Variants in PIK3C2A observed in about 807,000 individuals in gnomAD.
PIK3C2A encodes phosphatidylinositol 4-phosphate 3-kinase C2 domain-containing subunit alpha.
A neutral mutation model predicts 204.5 loss-of-function variants in PIK3C2A; 97 were observed. The ratio of observed to expected loss-of-function variants is 0.47; its 90% CI spans 0.40 to 0.56. PIK3C2A has a LOEUF of 0.56. Among genes scored for constraint, PIK3C2A ranks in the 20% least tolerant of loss-of-function variants. The probability of loss-of-function intolerance (pLI) is 0.00; values close to 1 mark genes in which losing one functional copy is unlikely to be tolerated. For synonymous variants in PIK3C2A, 653 were observed against 664.4 expected (o/e 0.98, Z 0.26); for missense variants, 1,735 against 1,969.2 (o/e 0.88, Z 2.25).
intron 19 of PIK3C2A, among the ~76,000 whole-genome samples, chr11:17,116,835 C>T (rs976750661): frequency 3.3e-5 from 5 of 152,034 alleles, no homozygotes; most frequent in Admixed American, 6.6e-5. Context: ...GTGATCTGCC[C>T]GCCTGGGCCT....
intron 13 of PIK3C2A, among the ~76,000 whole-genome samples, chr11:17,126,740 T>C (rs764413176): frequency 3.3e-5 from 5 of 152,224 alleles, no homozygotes; most frequent in Non-Finnish European, 7.3e-5. Context: ...TCAAGCTTAA[T>C]ACAATCTATT....
At chr11:17,168,611 A>T in intron 2 of PIK3C2A, 66 bp downstream of exon 2, 1 of 1,148,460 alleles carries the variant, frequency 8.7e-7, no homozygotes, top group Non-Finnish European at 1.2e-6. Flanking sequence ...AAAAACACAA[A>T]TTATGTACAC....
rs966451331 is a variant in PIK3C2A at position 17,086,931 on chromosome 11, T to G, written c.*2807A>C. The G allele has an allele frequency of 2.6e-5, 4 of 152,142 alleles. No homozygotes were observed. Among genetic ancestry groups the G allele is most frequent in the African/African-American group, 9.7e-5 (4 of 41,442 alleles). The allele number at this position is 152,142 out of a possible 1,614,324, so 9.4% of individuals were successfully genotyped here. On this transcript the variant is annotated 3_prime_UTR_variant, in exon 33 of 33. Coordinates refer to ENST00000691414, the MANE Select transcript of PIK3C2A (RefSeq NM_002645.4). ...AAGATATTGAAACTTTTATACAACT[T>G]TAATTTGAAAAAAGAAATGATCAAA...
intron 1 of PIK3C2A, among the ~76,000 whole-genome samples, chr11:17,182,311 G>A (rs747783892): frequency 2.0e-5 from 3 of 151,978 alleles, no homozygotes; most frequent in South Asian, 2.1e-4. Flanking sequence ...TTGGCTGGGT[G>A]CAGTGACTCA....
At chr11:17,116,313 G>C (rs973745102) in intron 19 of PIK3C2A, among the ~76,000 whole-genome samples, 4 of 152,066 alleles carry the variant, frequency 2.6e-5, no homozygotes, top group African/African-American at 9.7e-5. Context: ...TTAGTCACTA[G>C]GGAAATTCAA....
chr11:17,194,100 A>C (rs1014812517), intron 1 of PIK3C2A: 2 of 565,230 alleles, frequency 3.5e-6, no homozygotes, highest in Admixed American at 6.7e-5. Context: ...AAGATCCCAA[A>C]GGGTGTCAGC....
At chr11:17,192,167 T>G (rs546106144) in intron 1 of PIK3C2A, among the ~76,000 whole-genome samples, 2 of 152,042 alleles carry the variant, frequency 1.3e-5, no homozygotes, top group South Asian at 4.2e-4. Context: ...AAATTAATAA[T>G]GCAGGTGTAA....
rs555157039 is a variant in PIK3C2A at position 17,139,627 on chromosome 11, T to C, written c.1705-3002A>G. 2.6e-5 allele frequency among the ~76,000 whole-genome samples: 4 copies of C among 152,366 alleles called. No homozygotes were observed. In the East Asian group the frequency reaches 7.7e-4, roughly 29 times the overall value. On this transcript the variant is annotated intron_variant, in intron 8 of 32. Transcript: ENST00000691414. Reference sequence around the variant, plus strand: ...GTCATTTCCCCAACGGCATGCCATATTTTTGCATTGGATATTTATCTAACT... The same window carrying C: ...GTCATTTCCCCAACGGCATGCCATACTTTTGCATTGGATATTTATCTAACT...
chr11:17,144,142 A>G (rs1850155699), intron 8 of PIK3C2A, among the ~76,000 whole-genome samples: 1 of 152,212 alleles, frequency 6.6e-6, no homozygotes, highest in Admixed American at 6.5e-5. Flanking sequence ...TTTGTACTCT[A>G]TCACAGAATT....
At chr11:17,112,472 T>TA (rs909822940) in intron 21 of PIK3C2A, 102 bp downstream of exon 21, 91 of 527,668 alleles carry the variant, frequency 1.7e-4, no homozygotes, top group Admixed American at 7.1e-4. Context: ...AAATAAATAA[T>TA]AAAAAAAATA....
chr11:17,177,867 T>C (rs1302928968), intron 1 of PIK3C2A, among the ~76,000 whole-genome samples: 1 of 152,064 alleles, frequency 6.6e-6, no homozygotes, highest in Non-Finnish European at 1.5e-5. Flanking sequence ...CCAAGGCAGG[T>C]GGATCACCTG....
intron 8 of PIK3C2A, 88 bp downstream of exon 8, chr11:17,145,580 A>G: frequency 1.3e-6 from 1 of 772,532 alleles, no homozygotes; most frequent in East Asian, 2.5e-5. Flanking sequence ...GTCCTAAAAT[A>G]TTTAATCCAA....
intron 1 of PIK3C2A, among the ~76,000 whole-genome samples, chr11:17,199,903 C>CAAAA (rs35435978): frequency 9.4e-6 from 1 of 106,864 alleles, no homozygotes; most frequent in Admixed American, 9.6e-5. Flanking sequence ...GCCTCCATCT[C>CAAAA]AAAAAAAAAA....
At chr11:17,111,546 A>T (rs1848999387) in intron 21 of PIK3C2A, among the ~76,000 whole-genome samples, 1 of 152,154 alleles carries the variant, frequency 6.6e-6, no homozygotes, top group Non-Finnish European at 1.5e-5. Context: ...TAGCCAAGAA[A>T]ATTATGGAAA....
At chr11:17,132,353 C>T (rs1315244708) in intron 11 of PIK3C2A, among the ~76,000 whole-genome samples, 5 of 133,458 alleles carry the variant, frequency 3.7e-5, no homozygotes, top group South Asian at 2.3e-4. Flanking sequence ...GACGGAGTCT[C>T]GCTCTGTCGC....
chr11:17,174,693 G>A (rs1339864894), intron 1 of PIK3C2A, among the ~76,000 whole-genome samples: 1 of 151,832 alleles, frequency 6.6e-6, no homozygotes, highest in African/African-American at 2.4e-5. Context: ...GAGGTCAGGA[G>A]TTCAAGACCA....
chr11:17,117,734 A>C (rs1276772386), intron 18 of PIK3C2A, 63 bp from the exon 19 acceptor site: 63 of 514,578 alleles, frequency 1.2e-4, no homozygotes, highest in Non-Finnish European at 1.7e-4. Context: ...TTTTTTTTTG[A>C]GACGGAGCCT....
chr11:17,116,291 T>A (rs575754192), intron 19 of PIK3C2A, among the ~76,000 whole-genome samples: 1 of 152,148 alleles, frequency 6.6e-6, no homozygotes, highest in African/African-American at 2.4e-5. Context: ...TATGAGAATG[T>A]GCTCAATATC....
intron 20 of PIK3C2A, 34 bp downstream of exon 20, chr11:17,114,327 T>C: frequency 9.3e-7 from 1 of 1,079,944 alleles, no homozygotes; most frequent in Non-Finnish European, 1.4e-6. Context: ...TATTTTCAAA[T>C]GTAATATGAA....
Sources: allele counts gnomAD v4.1 joint callset (sites outside exome capture counted in the v4.1 genomes callset), GRCh38; gene constraint gnomAD v4.1.1; transcripts MANE v1.5; gene names NCBI Gene and HGNC (gene_info 2026-07-23, HGNC 2026-07-21).